The following NAV3 variants were observed in gnomAD, a reference collection of about 807,000 sequenced individuals.
NAV3 encodes the protein pore membrane and/or filament interacting like protein 1.
A neutral mutation model predicts 244.7 loss-of-function variants in NAV3; 87 were observed. The ratio of observed to expected loss-of-function variants is 0.36; its 90% CI spans 0.30 to 0.42. NAV3 has a LOEUF of 0.42. NAV3 is among the 20% of genes least tolerant of loss of function. The pLI, the probability that NAV3 is intolerant of heterozygous loss-of-function variation, is 1.00. For missense variants in NAV3, 2,663 were observed against 2,893.3 expected (o/e 0.92, Z 1.83); for synonymous variants, 1,126 against 1,042.2 (o/e 1.08, Z -1.55).
intron 1 of NAV3, among the ~76,000 whole-genome samples, chr12:77,922,795 C>T (rs1887834536): frequency 6.6e-6 from 1 of 152,050 alleles, no homozygotes; most frequent in African/African-American, 2.4e-5. Context: ...CATTAACTTC[C>T]TTAGAATACC....
At chr12:78,158,441 C>T (rs777462227) in intron 22 of NAV3, among the ~76,000 whole-genome samples, 5 of 151,996 alleles carry the variant, frequency 3.3e-5, no homozygotes, top group East Asian at 3.9e-4. Flanking sequence ...TTAATAAAAT[C>T]GTCAAATACT....
At chr12:78,180,486 T>G (rs1958452721) in intron 29 of NAV3, among the ~76,000 whole-genome samples, 1 of 152,110 alleles carries the variant, frequency 6.6e-6, no homozygotes, top group Admixed American at 6.6e-5. Flanking sequence ...GTCTACAGAT[T>G]TATAACAATA....
intron 12 of NAV3, among the ~76,000 whole-genome samples, chr12:78,102,458 T>C (rs1954584332): frequency 6.6e-6 from 1 of 152,142 alleles, no homozygotes; most frequent in South Asian, 2.1e-4. Flanking sequence ...AGGCTGGCAT[T>C]GAGTGTCTGT....
intron 1 of NAV3, among the ~76,000 whole-genome samples, chr12:77,892,982 T>C (rs2136778696): frequency 6.6e-6 from 1 of 152,268 alleles, no homozygotes; most frequent in Non-Finnish European, 1.5e-5. Flanking sequence ...AATTACGAGT[T>C]TCATGAGATT....
In NAV3 at chr12:78,212,201, G is replaced by A. The variant is rs576765879; in HGVS notation, c.*1684G>A. On this transcript the variant is annotated 3_prime_UTR_variant, in exon 40 of 40. Coordinates refer to ENST00000397909, the MANE Select transcript of NAV3 (RefSeq NM_001024383.2). ...TACATCTGTCATGGCAGGCTTTAAA[G>A]AGAGTGCATGAAAACTGATCAGTCA... 6.5e-6 allele frequency: 1 copy of A among 152,736 alleles called. No homozygotes were observed. The highest frequency in any genetic ancestry group is 2.4e-5 in the African/African-American group (1 of 41,570). 9.5% of individuals were successfully genotyped at this position (152,736 alleles called of 1,614,324 possible). A position where few individuals can be genotyped will look rare whatever the true frequency, so the allele number is the denominator to read the frequency against.
At chr12:77,686,587 C>T (rs1182931000) in intron 2 of NAV3, among the ~76,000 whole-genome samples, 3 of 152,036 alleles carry the variant, frequency 2.0e-5, no homozygotes, top group African/African-American at 7.2e-5. Flanking sequence ...ATCAATGATG[C>T]ATCCATGACA....
intron 9 of NAV3, among the ~76,000 whole-genome samples, chr12:78,038,407 T>C (rs1032489625): frequency 2.6e-5 from 4 of 152,230 alleles, no homozygotes; most frequent in African/African-American, 9.6e-5. Context: ...TAATGCTAAA[T>C]GCAGGCTTGC....
At chr12:78,049,572 G>C (rs772618663) in intron 9 of NAV3, among the ~76,000 whole-genome samples, 4 of 152,092 alleles carry the variant, frequency 2.6e-5, no homozygotes, top group African/African-American at 9.7e-5. Context: ...AGATGAGCCT[G>C]GTACCTCAGT....
chr12:77,705,867 A>G (rs1350128729), intron 2 of NAV3, among the ~76,000 whole-genome samples: 1 of 151,286 alleles, frequency 6.6e-6, no homozygotes, highest in Non-Finnish European at 1.5e-5. Flanking sequence ...TCTTTGTCTT[A>G]TGTTTTCAGA....
intron 22 of NAV3, among the ~76,000 whole-genome samples, chr12:78,150,446 T>A (rs1957029399): frequency 6.6e-6 from 1 of 152,026 alleles, no homozygotes; most frequent in Non-Finnish European, 1.5e-5. Context: ...AATGTAATGA[T>A]GCTTATTGTC....
At chr12:77,906,730 G>C (rs1886017665) in intron 1 of NAV3, among the ~76,000 whole-genome samples, 1 of 152,028 alleles carries the variant, frequency 6.6e-6, no homozygotes, top group Non-Finnish European at 1.5e-5. Flanking sequence ...ACATTACAGG[G>C]ATGTTGTGAT....
At chr12:77,800,433 A>G (rs1399501386) in intron 2 of NAV3, among the ~76,000 whole-genome samples, 1 of 152,158 alleles carries the variant, frequency 6.6e-6, no homozygotes, top group Non-Finnish European at 1.5e-5. Flanking sequence ...CGATTGTACA[A>G]TGGTTCAATG....
At chr12:77,980,886 A>G (rs1869440235) in intron 5 of NAV3, among the ~76,000 whole-genome samples, 1 of 152,166 alleles carries the variant, frequency 6.6e-6, no homozygotes, top group East Asian at 1.9e-4. Context: ...TGATGCTGTA[A>G]TATCTTACAC....
intron 2 of NAV3, among the ~76,000 whole-genome samples, chr12:77,649,302 T>C (rs902800558): frequency 6.6e-6 from 1 of 152,158 alleles, no homozygotes; most frequent in Non-Finnish European, 1.5e-5. Context: ...CACAGTCTTA[T>C]AGTATTTGCG....
At chr12:77,766,663 A>G (rs7316888) in intron 2 of NAV3, among the ~76,000 whole-genome samples, 143,027 of 151,530 alleles carry the variant, frequency 0.94, 68,090 homozygotes, top group East Asian at 1. Flanking sequence ...TTAAAATGGT[A>G]ATCTTGACCA....
At chr12:77,988,306 A>C (rs1248055137) in intron 5 of NAV3, among the ~76,000 whole-genome samples, 1 of 152,158 alleles carries the variant, frequency 6.6e-6, no homozygotes, top group Admixed American at 6.5e-5. Context: ...TGATTAGTAA[A>C]AATGTGTAAC....
At chr12:77,741,148 C>CAAAAAAAAAAAAAAAAGAAAAAA (rs1868322686) in intron 2 of NAV3, among the ~76,000 whole-genome samples, 1 of 68,668 alleles carries the variant, frequency 1.5e-5, no homozygotes, top group African/African-American at 5.9e-5. Flanking sequence ...AAAAAAAAGA[C>CAAAAAAAAAAAAAAAAGAAAAAA]AAAAAAAAAA....
At chr12:78,113,065 C>T (rs1955183608) in intron 12 of NAV3, among the ~76,000 whole-genome samples, 1 of 152,200 alleles carries the variant, frequency 6.6e-6, no homozygotes, top group African/African-American at 2.4e-5. Flanking sequence ...AAATTATCTC[C>T]TTTGACTTCA....
chr12:77,902,527 G>C (rs1041932839), intron 1 of NAV3, among the ~76,000 whole-genome samples: 1 of 152,108 alleles, frequency 6.6e-6, no homozygotes, highest in African/African-American at 2.4e-5. Flanking sequence ...TTAACCCACA[G>C]CCAATATCAT....
Sources: allele counts gnomAD v4.1 joint callset (sites outside exome capture counted in the v4.1 genomes callset), GRCh38; gene constraint gnomAD v4.1.1; transcripts MANE v1.5; gene names NCBI Gene and HGNC (gene_info 2026-07-23, HGNC 2026-07-21).